Variants in KCNT2 observed in about 807,000 individuals in gnomAD.
KCNT2 encodes potassium sodium-activated channel subfamily T member 2.
Under a neutral mutation model 153.8 loss-of-function variants are expected in KCNT2, and 67 were observed. That is an observed-to-expected ratio of 0.44 (90% CI 0.36 to 0.53). The LOEUF (loss-of-function observed/expected upper bound fraction) is 0.53. KCNT2 is among the 20% of genes least tolerant of loss of function. The pLI is 0.00. For synonymous variants in KCNT2, 500 were observed against 458.8 expected (o/e 1.09, Z -1.15); for missense variants, 975 against 1,354.8 (o/e 0.72, Z 4.40).
chr1:196,556,599 C>T (rs12128003), intron 1 of KCNT2, among the ~76,000 whole-genome samples: 10,155 of 151,328 alleles, frequency 0.067, 1,029 homozygotes, highest in African/African-American at 0.22. Context: ...AAAACTAGAG[C>T]AACCATACAG....
At chr1:196,471,745 T>A (rs1678125485) in intron 5 of KCNT2, among the ~76,000 whole-genome samples, 1 of 152,202 alleles carries the variant, frequency 6.6e-6, no homozygotes, top group African/African-American at 2.4e-5. Flanking sequence ...TCTCTTCATT[T>A]CCATTTATAA....
At chr1:196,575,255 T>A (rs953525721) in intron 1 of KCNT2, among the ~76,000 whole-genome samples, 19 of 152,168 alleles carry the variant, frequency 1.2e-4, no homozygotes, top group African/African-American at 4.6e-4. Context: ...CCCTTTTAAA[T>A]TTGGAATTCT....
intron 14 of KCNT2, among the ~76,000 whole-genome samples, chr1:196,370,635 G>A (rs1668444939): frequency 6.6e-6 from 1 of 151,960 alleles, no homozygotes. Context: ...AAGTGCTATT[G>A]GAAAAATATT....
chr1:196,440,248 T>C (rs1302070477), intron 8 of KCNT2, among the ~76,000 whole-genome samples: 3 of 152,030 alleles, frequency 2.0e-5, no homozygotes, highest in Admixed American at 2.0e-4. Context: ...CATTTTAAAG[T>C]GAACTTTGTC....
At chr1:196,514,374 A>T (rs1390207753) in intron 1 of KCNT2, among the ~76,000 whole-genome samples, 3 of 152,226 alleles carry the variant, frequency 2.0e-5, no homozygotes, top group East Asian at 1.9e-4. Context: ...ATGTACTAAT[A>T]TTGGGGCTGA....
intron 25 of KCNT2, among the ~76,000 whole-genome samples, chr1:196,274,369 C>T (rs1437144991): frequency 6.6e-6 from 1 of 151,464 alleles, no homozygotes; most frequent in Admixed American, 6.6e-5. Flanking sequence ...TTATCTATAA[C>T]TGAAAATATA....
At chr1:196,401,825 A>G (rs1164975879) in intron 12 of KCNT2, among the ~76,000 whole-genome samples, 1 of 151,690 alleles carries the variant, frequency 6.6e-6, no homozygotes, top group Non-Finnish European at 1.5e-5. Context: ...ATACACTTAT[A>G]AGTTCAAGAA....
At chr1:196,456,017 G>A (rs916476045) in intron 8 of KCNT2, among the ~76,000 whole-genome samples, 5 of 152,136 alleles carry the variant, frequency 3.3e-5, no homozygotes, top group African/African-American at 1.2e-4. Flanking sequence ...ATCTGGTTCC[G>A]ATTCATTCAG....
intron 1 of KCNT2, among the ~76,000 whole-genome samples, chr1:196,595,484 G>A (rs892540770): frequency 5.3e-5 from 8 of 151,944 alleles, no homozygotes; most frequent in African/African-American, 1.9e-4. Context: ...GAGGGGGCTG[G>A]TTCCAGGACC....
intron 26 of KCNT2, among the ~76,000 whole-genome samples, chr1:196,252,756 G>T (rs1386315110): frequency 5.3e-5 from 8 of 151,240 alleles, no homozygotes; most frequent in African/African-American, 1.9e-4. Context: ...TTTTTTTGTA[G>T]TATAAACAAA....
chr1:196,254,480 G>A (rs1001067795), intron 26 of KCNT2, among the ~76,000 whole-genome samples: 128 of 151,534 alleles, frequency 8.4e-4, no homozygotes, highest in African/African-American at 2.9e-3. Context: ...ATTAAAAGTT[G>A]CAAAAAATTA....
chr1:196,311,460 A>T (rs980340080), intron 21 of KCNT2, among the ~76,000 whole-genome samples: 1 of 151,908 alleles, frequency 6.6e-6, no homozygotes, highest in Admixed American at 6.6e-5. Flanking sequence ...ACCTGTTTCA[A>T]TGTTTCCATT....
At chr1:196,235,437 A>G (rs1015005268) in intron 27 of KCNT2, among the ~76,000 whole-genome samples, 2 of 151,526 alleles carry the variant, frequency 1.3e-5, no homozygotes, top group African/African-American at 4.8e-5. Flanking sequence ...ATGTATTGCT[A>G]TTAAATTTTT....
chr1:196,489,520 A>G (rs1474158244), intron 3 of KCNT2, among the ~76,000 whole-genome samples: 2 of 152,016 alleles, frequency 1.3e-5, no homozygotes, highest in African/African-American at 4.8e-5. Context: ...CTGAAAATCA[A>G]GAACAAAATT....
intron 8 of KCNT2, among the ~76,000 whole-genome samples, chr1:196,440,463 C>A (rs12086304): frequency 0.033 from 5,007 of 151,894 alleles, 119 homozygotes; most frequent in South Asian, 0.07. Flanking sequence ...AAGGATTTAC[C>A]AAACATATCT....
chr1:196,582,787 G>T (rs1457210874), intron 1 of KCNT2, among the ~76,000 whole-genome samples: 1 of 151,986 alleles, frequency 6.6e-6, no homozygotes, highest in Non-Finnish European at 1.5e-5. Flanking sequence ...ACCTGCTTCA[G>T]CTTGTCCAAA....
At chr1:196,502,413 A>C (rs1680777593) in intron 1 of KCNT2, among the ~76,000 whole-genome samples, 1 of 152,212 alleles carries the variant, frequency 6.6e-6, no homozygotes, top group Admixed American at 6.5e-5. Flanking sequence ...CAGTTTTGGA[A>C]AGGGAACTGA....
chr1:196,533,927 A>G (rs1338795889), intron 1 of KCNT2, among the ~76,000 whole-genome samples: 2 of 152,168 alleles, frequency 1.3e-5, no homozygotes, highest in Non-Finnish European at 2.9e-5. Flanking sequence ...CACTAGTACC[A>G]TAAAGCCTGG....
chr1:196,361,204 G>GACAC (rs34251987), intron 14 of KCNT2, among the ~76,000 whole-genome samples: 7,501 of 149,148 alleles, frequency 0.05, 271 homozygotes, highest in Non-Finnish European at 0.072. Context: ...ACAGACACCA[G>GACAC]ACACACACAC....
Sources: gnomAD v4.1 joint callset for allele counts (sites outside exome capture counted in the v4.1 genomes callset) on GRCh38, gnomAD v4.1.1 for gene constraint, MANE v1.5 for transcripts, NCBI Gene and HGNC (gene_info 2026-07-23, HGNC 2026-07-21) for gene names.